SLC2A8: variants seen among roughly 807,000 people sequenced by gnomAD.
SLC2A8 encodes the protein solute carrier family 2, facilitated glucose transporter member 8.
A neutral mutation model predicts 49.2 loss-of-function variants in SLC2A8; 53 were observed. The ratio of observed to expected loss-of-function variants is 1.08; its 90% confidence interval spans 0.86 to 1.35. SLC2A8 has a LOEUF of 1.35. Ranked by LOEUF, SLC2A8 falls within the 40% of genes most tolerant of loss-of-function variation. SLC2A8 has a pLI of 0.00. For missense variants in SLC2A8, 688 were observed against 671.7 expected, an observed-to-expected ratio of 1.02 and a Z score of -0.27; for synonymous variants, 299 against 297.0, an observed-to-expected ratio of 1.01 and a Z score of -0.07.
Position 127,397,888 on chromosome 9 carries a change from C to T in SLC2A8, c.220-17C>T, listed in dbSNP as rs559265954. On this transcript the variant is annotated splice_polypyrimidine_tract_variant and intron_variant, in intron 2 of 9. Coordinates refer to ENST00000373371, the MANE Select transcript of SLC2A8 (RefSeq NM_014580.5). ...TGCGGCTTCGGCGCCCCCTCCTCAG[C>T]AGCCGCCCGCCTCCAGGCTGTCGTG... The T allele has an allele frequency of 5.1e-5, 75 of 1,468,184 alleles. No homozygotes were observed. In the South Asian group the frequency reaches 7.4e-4, roughly 15 times the overall value. 90.9% of individuals were successfully genotyped at this position (1,468,184 alleles called of 1,614,324 possible).
At chr9:127,403,438 C>T in intron 5 of SLC2A8, 1 of 591,934 alleles carries the variant, frequency 1.7e-6, no homozygotes. Context: ...TGTGGCTCCC[C>T]CCCACCTATC....
Position 127,397,972 on chromosome 9 carries a change from G to T in SLC2A8, c.287G>T (p.Arg96Leu), listed in dbSNP as rs1291187666. The T allele has an allele frequency of 1.3e-6, 2 of 1,538,120 alleles. No individual in the cohort carries two copies. Among genetic ancestry groups the T allele is most frequent in the Non-Finnish European group, 1.7e-6 (2 of 1,148,358 alleles). The change falls in exon 3 of 10, where the codon CGC becomes CTC. Residue 96 changes from arginine to leucine, a missense_variant. Coordinates refer to ENST00000373371, the MANE Select transcript of SLC2A8 (RefSeq NM_014580.5). Reference protein sequence around the residue: ...LGGWLVDRAGRKLSLLLCSVP... With the variant: ...LGGWLVDRAGLKLSLLLCSVP... ...GGCTGGCTGGTGGACCGCGCCGGGC[G>T]CAAGCTGAGCCTCTTGCTGTGCTCC...
At position 127,407,289 on chromosome 9, in the gene SLC2A8, A is replaced by C. The variant is rs770677477; in HGVS notation, c.*40A>C. On this transcript the variant is annotated 3_prime_UTR_variant, in exon 10 of 10. Coordinates refer to ENST00000373371, the MANE Select transcript of SLC2A8 (RefSeq NM_014580.5). ...GGGATGGAGCAAGCCTGTGACTCCA[A>C]GCTGGGCCCAAGCCCAGAGCCCCTG... is the stretch of plus-strand genomic sequence containing the variant. 1 of 1,611,108 alleles carries C rather than the reference A, an allele frequency of 6.2e-7. No homozygotes were observed. Among genetic ancestry groups the C allele is most frequent in the South Asian group, 1.1e-5 (1 of 90,974 alleles).
Position 127,397,358 on chromosome 9 carries a change from T to C in SLC2A8, c.57-18T>C, listed in dbSNP as rs1378191929. 6.9e-7 allele frequency: 1 copy of C among 1,443,852 alleles called. No homozygotes were observed. The highest frequency in any genetic ancestry group is 3.0e-5 in the East Asian group (1 of 33,052). 89.4% of individuals were successfully genotyped at this position (1,443,852 alleles called of 1,614,324 possible). A position where few individuals can be genotyped will look rare whatever the true frequency, so the allele number is the denominator to read the frequency against. On this transcript the variant is annotated intron_variant, in intron 1 of 9. Transcript: ENST00000373371. The stretch of plus-strand genomic sequence containing the variant: ...CCCTCCGCGTCCGCTCCGCTCACCC[T>C]CGGCCCTGTCCCCCCAGCGCGCCCC...
chr9:127,397,551 G>T lies in SLC2A8; in HGVS notation c.219+13G>T, dbSNP rs1321080838. On this transcript the variant is annotated intron_variant, in intron 2 of 9. Transcript: ENST00000373371. The stretch of plus-strand genomic sequence containing the variant: ...CTCCTGGTTCGGGGTGAGGCCCCGG[G>T]CTCGCTCCTCCCGCCCTGGGACCCC... 7.1e-6 allele frequency: 10 copies of T among 1,399,094 alleles called. No homozygotes were observed. The highest frequency in any genetic ancestry group is 5.2e-4 in the Middle Eastern group (2 of 3,862). The allele number at this position is 1,399,094 out of a possible 1,614,324, so 86.7% of individuals were successfully genotyped here. A position where few individuals can be genotyped will look rare whatever the true frequency, so the allele number is the denominator to read the frequency against.
intron 1 of SLC2A8, 27 bp downstream of exon 1, chr9:127,397,313 A>C: frequency 7.2e-7 from 1 of 1,379,920 alleles, no homozygotes; most frequent in Non-Finnish European, 9.3e-7. Context: ...CCGGGCCCGG[A>C]TGCGGCCTCG....
At chr9:127,404,102 G>C (rs530006084) in intron 7 of SLC2A8, 35 bp downstream of exon 7, 18 of 1,501,288 alleles carry the variant, frequency 1.2e-5, no homozygotes, top group South Asian at 2.3e-5. Context: ...TCCCCGCCAT[G>C]CGGGGGAGGG....
intron 4 of SLC2A8, chr9:127,402,329 G>A (rs1833318779): frequency 1.8e-6 from 1 of 550,366 alleles, no homozygotes; most frequent in Non-Finnish European, 3.0e-6. Context: ...ATGCAGCCTA[G>A]TAATGTCCGC....
intron 4 of SLC2A8, 101 bp downstream of exon 4, chr9:127,400,107 C>A: frequency 1.0e-6 from 1 of 961,706 alleles, no homozygotes; most frequent in Non-Finnish European, 1.6e-6. Flanking sequence ...TGTCTGAGGT[C>A]ACATAGCCAG....
intron 4 of SLC2A8, among the ~76,000 whole-genome samples, chr9:127,400,768 T>G (rs966382790): frequency 1.3e-5 from 2 of 152,022 alleles, no homozygotes. Context: ...TGAAGAAACT[T>G]CAGGAGACAG....
rs779636689 is a variant in SLC2A8 at position 127,402,690 on chromosome 9, C to T, written c.660C>T (p.Ala220=). The stretch of plus-strand genomic sequence containing the variant: ...AGCACAGGCGCCAGGAGGCCATGGC[C>T]GCCCTGCGGTTCCTGTGGGGCTCCG... The part of the protein sequence containing the change: ...LTQHRRQEAM[A]ALRFLWGSEQ... The change falls in exon 5 of 10, where the codon GCC becomes GCT. Residue 220 remains alanine, a synonymous_variant. Transcript: ENST00000373371. 1.0e-4 allele frequency: 157 copies of T among 1,568,308 alleles called. 2 individuals carry two copies. The highest frequency in any genetic ancestry group is 9.6e-4 in the South Asian group (82 of 85,592).
intron 1 of SLC2A8, 30 bp from the exon 2 acceptor site, chr9:127,397,341 GTCCGC>G: frequency 1.4e-6 from 2 of 1,397,590 alleles, no homozygotes; most frequent in East Asian, 6.1e-5. Context: ...GCCCCTCCGC[GTCCGC>G]TCCGCTCACC....
rs1477869564 is a variant in SLC2A8 at position 127,406,348 on chromosome 9, G to A, written c.1297-764G>A. 2.0e-5 allele frequency among the ~76,000 whole-genome samples: 3 copies of A among 152,322 alleles called. No individual in the cohort carries two copies. In the East Asian group the frequency reaches 5.8e-4, roughly 29 times the overall value. On this transcript the variant is annotated intron_variant, in intron 9 of 9. Transcript: ENST00000373371. ...CCAGCCTGGAGTCTGTGCAGAGCTT[G>A]GGACCCGCTTAGGCAGGACTGCCCG...
chr9:127,397,607 C>T, intron 2 of SLC2A8, 69 bp downstream of exon 2: 3 of 1,362,322 alleles, frequency 2.2e-6, no homozygotes, highest in Non-Finnish European at 2.8e-6. Flanking sequence ...GCATCGGGAC[C>T]CTCCGCCCCC....
intron 7 of SLC2A8, 37 bp from the exon 8 acceptor site, chr9:127,404,781 C>T (rs1471504906): frequency 1.3e-6 from 2 of 1,594,022 alleles, no homozygotes; most frequent in Admixed American, 3.4e-5. Flanking sequence ...GGGCCGTTCC[C>T]CGGGTGCCCC....
chr9:127,404,912 G>A lies in SLC2A8; in HGVS notation c.1071G>A (p.Ala357=), dbSNP rs772106118. 2.4e-5 allele frequency: 39 copies of A among 1,612,420 alleles called. No individual in the cohort carries two copies. The highest frequency in any genetic ancestry group is 3.0e-5 in the Non-Finnish European group (35 of 1,179,874). The part of the protein sequence containing the change: ...PGNSSHVAIS[A]PVSAQPVDAS... ...ACTCCTCGCACGTGGCCATCTCGGC[G>A]CCTGTCTCTGCACAGCCTGTTGATG... The change falls in exon 8 of 10, where the codon GCG becomes GCA. Residue 357 remains alanine (A), a synonymous_variant. Coordinates refer to ENST00000373371, the MANE Select transcript of SLC2A8 (RefSeq NM_014580.5).
chr9:127,400,828 C>T (rs895344811), intron 4 of SLC2A8, among the ~76,000 whole-genome samples: 3 of 152,216 alleles, frequency 2.0e-5, no homozygotes, highest in African/African-American at 7.2e-5. Context: ...GACCCAGTGG[C>T]TCACACCTGT....
At chr9:127,405,987 C>G (rs1273441852) in intron 9 of SLC2A8, 5 of 524,788 alleles carry the variant, frequency 9.5e-6, no homozygotes, top group Non-Finnish European at 1.9e-5. Flanking sequence ...AGAGTAACAG[C>G]AGCTTGCTCT....
rs779442288 is a variant in SLC2A8, at chr9:127,402,639, C to T, written c.609C>T (p.Pro203=). The change falls in exon 5 of 10, where the codon CCC becomes CCT. Residue 203 remains proline (P), a synonymous_variant. Transcript: ENST00000373371. ...SLMLLLMCFM[P]ETPRFLLTQH... ...TGCTGCTTCTCATGTGCTTCATGCCCGAGACCCCGCGCTTCCTGCTGACTC... is the reference window on the plus strand; with the variant it reads ...TGCTGCTTCTCATGTGCTTCATGCCTGAGACCCCGCGCTTCCTGCTGACTC... 2.5e-5 allele frequency: 40 copies of T among 1,594,554 alleles called. No individual in the cohort carries two copies. Among genetic ancestry groups the T allele is most frequent in the East Asian group, 1.6e-4 (7 of 44,304 alleles).
Sources: gnomAD v4.1 joint callset for allele counts (sites outside exome capture counted in the v4.1 genomes callset) on GRCh38, gnomAD v4.1.1 for gene constraint, MANE v1.5 for transcripts, NCBI Gene and HGNC (gene_info 2026-07-23, HGNC 2026-07-21) for gene names.